RBFOX1: variants seen among roughly 807,000 people sequenced by gnomAD.
RBFOX1 encodes RNA binding fox-1 homolog 1.
A neutral mutation model predicts 57.7 loss-of-function variants in RBFOX1; 8 were observed. That is an observed-to-expected ratio of 0.14 (90% CI 0.08 to 0.25). The LOEUF is 0.25. Ranked by LOEUF, RBFOX1 falls within the 10% of genes least tolerant of loss-of-function variation. The probability of loss-of-function intolerance (pLI) is 1.00; values close to 1 mark genes in which losing one functional copy is unlikely to be tolerated. For missense variants in RBFOX1, 611 were observed against 548.5 expected (o/e 1.11, Z -1.14); for synonymous variants, 326 against 222.4 (o/e 1.47, Z -4.15).
intron 4 of RBFOX1, among the ~76,000 whole-genome samples, chr16:7,133,071 C>G (rs990874093): frequency 2.0e-5 from 3 of 152,044 alleles, no homozygotes; most frequent in Admixed American, 1.3e-4. Context: ...CAGAAGTGAC[C>G]TTATTATGGC....
rs1202884213 is a variant in RBFOX1 at position 7,111,587 on chromosome 16, A to T, written c.27+59489A>T. Among the ~76,000 whole-genome samples the T allele has an allele frequency of 1.2e-4, 18 of 152,194 alleles. 1 individual carries two copies. The highest frequency in any genetic ancestry group is 1.5e-5 in the Non-Finnish European group (1 of 68,034). ...CAGCTTATCCTGTGTGTTTTAAACCAGATAAAGCAGTGTCTGAGTATCCTG... is the reference window on the plus strand; with the variant it reads ...CAGCTTATCCTGTGTGTTTTAAACCTGATAAAGCAGTGTCTGAGTATCCTG... On this transcript the variant is annotated intron_variant, in intron 4 of 15. Coordinates refer to ENST00000550418, the MANE Select transcript of RBFOX1 (RefSeq NM_018723.4).
intron 5 of RBFOX1, among the ~76,000 whole-genome samples, chr16:7,526,925 C>A (rs1426866416): frequency 1.3e-5 from 2 of 152,166 alleles, no homozygotes; most frequent in East Asian, 1.9e-4. Context: ...AGAAGGCATC[C>A]CCCAGGCATG....
intron 3 of RBFOX1, among the ~76,000 whole-genome samples, chr16:5,793,607 C>A (rs916219487): frequency 6.6e-6 from 1 of 152,184 alleles, no homozygotes. Flanking sequence ...CCTCATCTTA[C>A]CCACTACTCA....
rs1597134669 is a variant in RBFOX1 at position 5,454,950 on chromosome 16, CCTTCCTTCCTTTCTTTCTTTCTTTCTTT to C, written c.220-12262_220-12235del. Among the ~76,000 whole-genome samples the C allele has an allele frequency of 9.4e-5, 4 of 42,668 alleles. No homozygotes were observed. In the East Asian group the frequency reaches 2.3e-3, roughly 25 times the overall value. The allele number at this position is 42,668 out of a possible 152,430, so 28.0% of individuals were successfully genotyped here. ...TTCTTCCTTCCTTCCTTCCTTCCTT[CCTTCCTTCCTTTCTTTCTTTCTTTCTTT>C]CTTTCTTTCTTTCTTTCTTTCTTTC... On this transcript the variant is annotated intron_variant, in intron 1 of 2. Coordinates refer to the RBFOX1 transcript ENST00000585867.
intron 3 of RBFOX1, among the ~76,000 whole-genome samples, chr16:6,894,976 C>A (rs879758431): frequency 2.0e-5 from 3 of 152,118 alleles, no homozygotes; most frequent in African/African-American, 4.8e-5. Flanking sequence ...CCTTCCAGAA[C>A]TAACAGAGAC....
rs757665097 is a variant in RBFOX1 at position 7,426,684 on chromosome 16, G to A, written c.28-91463G>A. On this transcript the variant is annotated intron_variant, in intron 4 of 15. Coordinates refer to ENST00000550418, the MANE Select transcript of RBFOX1 (RefSeq NM_018723.4). ...TTGACACAAGAAGGGGACATGATGC[G>A]TTGCATATTTTATCTGTCCTGTGGA... is the stretch of plus-strand genomic sequence containing the variant. 3.9e-4 allele frequency among the ~76,000 whole-genome samples: 60 copies of A among 152,278 alleles called. 1 individual carries two copies. In the East Asian group the frequency reaches 4.7e-3, roughly 12 times the overall value.
intron 5 of RBFOX1, among the ~76,000 whole-genome samples, chr16:7,546,393 G>T (rs2084554354): frequency 6.7e-6 from 1 of 150,296 alleles, no homozygotes; most frequent in Non-Finnish European, 1.5e-5. Context: ...AAATAAAATT[G>T]GTTACTTACC....
At chr16:6,765,038 A>G (rs1486945281) in intron 3 of RBFOX1, among the ~76,000 whole-genome samples, 2 of 152,138 alleles carry the variant, frequency 1.3e-5, no homozygotes, top group South Asian at 2.1e-4. Context: ...AAAAAAATTC[A>G]TGGTGACATG....
intron 1 of RBFOX1, among the ~76,000 whole-genome samples, chr16:5,252,971 C>A (rs1255871788): frequency 1.3e-5 from 2 of 152,168 alleles, no homozygotes; most frequent in Non-Finnish European, 2.9e-5. Flanking sequence ...ATGCACGCAG[C>A]CAATTGTCTT....
intron 2 of RBFOX1, among the ~76,000 whole-genome samples, chr16:6,327,726 T>C (rs2082538280): frequency 6.6e-6 from 1 of 152,180 alleles, no homozygotes; most frequent in African/African-American, 2.4e-5. Context: ...AGTTTCAGAA[T>C]ACATAGATTC....
chr16:5,601,106 C>T (rs954883023), downstream of RBFOX1: 1 of 152,202 alleles, frequency 6.6e-6, no homozygotes, highest in Admixed American at 6.5e-5. Context: ...TATTGGCTGT[C>T]TCTTGCCCGT....
chr16:7,517,189 T>TG (rs2076560101), intron 4 of RBFOX1, among the ~76,000 whole-genome samples: 1 of 118,730 alleles, frequency 8.4e-6, no homozygotes, highest in Non-Finnish European at 1.7e-5. Context: ...GTGTGTGTGT[T>TG]GTGGTAGAAC....
At chr16:6,181,274 C>G (rs537822423) in intron 1 of RBFOX1, among the ~76,000 whole-genome samples, 1 of 152,212 alleles carries the variant, frequency 6.6e-6, no homozygotes, top group African/African-American at 2.4e-5. Context: ...GCTGCCAGTA[C>G]TCATAGCCTA....
chr16:6,053,311 A>G (rs1430799072), intron 1 of RBFOX1, among the ~76,000 whole-genome samples: 1 of 152,204 alleles, frequency 6.6e-6, no homozygotes, highest in Non-Finnish European at 1.5e-5. Flanking sequence ...TTGCGCAGAG[A>G]GCTTGATGAA....
At chr16:7,360,631 C>A (rs917443255) in intron 4 of RBFOX1, among the ~76,000 whole-genome samples, 2 of 152,186 alleles carry the variant, frequency 1.3e-5, no homozygotes, top group African/African-American at 4.8e-5. Flanking sequence ...GGAATTATCC[C>A]TCCCTATGAT....
intron 4 of RBFOX1, among the ~76,000 whole-genome samples, chr16:7,388,736 G>A (rs951386007): frequency 4.2e-5 from 6 of 142,966 alleles, no homozygotes; most frequent in African/African-American, 5.3e-5. Context: ...TGAATTCCAC[G>A]AGATATTCAA....
intron 3 of RBFOX1, among the ~76,000 whole-genome samples, chr16:6,984,002 C>A (rs893309324): frequency 6.6e-6 from 1 of 152,184 alleles, no homozygotes; most frequent in Non-Finnish European, 1.5e-5. Flanking sequence ...AATTCCAGCA[C>A]TTTGGGAGGC....
intron 4 of RBFOX1, among the ~76,000 whole-genome samples, chr16:7,082,669 A>G (rs970592784): frequency 1.3e-5 from 2 of 152,220 alleles, no homozygotes; most frequent in African/African-American, 4.8e-5. Context: ...ACAACTGTTT[A>G]ATGAAGGCTT....
intron 1 of RBFOX1, among the ~76,000 whole-genome samples, chr16:5,335,178 C>G (rs989847549): frequency 1.4e-5 from 2 of 144,288 alleles, no homozygotes; most frequent in African/African-American, 5.0e-5. Context: ...TGCCAGTTCA[C>G]CTCTCTGCAA....
Sources: gnomAD v4.1 joint callset for allele counts (sites outside exome capture counted in the v4.1 genomes callset) on GRCh38, gnomAD v4.1.1 for gene constraint, MANE v1.5 for transcripts, NCBI Gene and HGNC (gene_info 2026-07-23, HGNC 2026-07-21) for gene names.